The following ATG14 variants were observed in gnomAD, a reference collection of about 807,000 sequenced individuals.
ATG14 encodes autophagy related 14, also known as beclin 1-associated autophagy-related key regulator.
ATG14 carries 35 observed loss-of-function variants against 60.4 expected under a neutral mutation model. The ratio of observed to expected loss-of-function variants is 0.58; its 90% CI spans 0.44 to 0.77. The LOEUF is 0.77. Ranked by LOEUF, ATG14 falls within the 30% of genes least tolerant of loss-of-function variation. The pLI is 0.00. For synonymous variants in ATG14, 234 were observed against 228.8 expected, an observed-to-expected ratio of 1.02 and a Z score of -0.21; for missense variants, 647 against 626.3, an observed-to-expected ratio of 1.03 and a Z score of -0.35.
At chr14:55,401,899 T>C (rs1258407144) in intron 1 of ATG14, among the ~76,000 whole-genome samples, 1 of 152,206 alleles carries the variant, frequency 6.6e-6, no homozygotes, top group African/African-American at 2.4e-5. Context: ...GAAAATTCTA[T>C]GTAACTGCAC....
rs772445715 is a variant in ATG14 at position 55,411,747 on chromosome 14, G to A, written c.76C>T (p.Leu26=). 19 of 1,609,586 alleles carry A rather than the reference G, an allele frequency of 1.2e-5. No individual in the cohort carries two copies. The highest frequency in any genetic ancestry group is 1.1e-4 in the South Asian group (10 of 90,414). ...TCCGCATCGTCCACGGAGTCCACCA[G>A]GTCCCGGGCGAGCGGCCGGGGCCCG... The part of the protein sequence containing the change: ...GCGPRPLARD[L]VDSVDDAEGL... Residue 26 remains leucine (L), a synonymous_variant, in exon 1 of 10, where the codon CTG becomes TTG. Transcript: ENST00000247178.
chr14:55,405,995 A>G (rs1165602189), intron 1 of ATG14, among the ~76,000 whole-genome samples: 1 of 152,180 alleles, frequency 6.6e-6, no homozygotes, highest in Non-Finnish European at 1.5e-5. Flanking sequence ...TGAGGATACC[A>G]AAGTTGTAGG....
At chr14:55,382,512 T>C (rs1381559498) in intron 5 of ATG14, among the ~76,000 whole-genome samples, 2 of 152,018 alleles carry the variant, frequency 1.3e-5, no homozygotes, top group African/African-American at 4.8e-5. Flanking sequence ...TTTGTAGAGA[T>C]GGGGTCTCAC....
chr14:55,390,209 T>C (rs1490774947), intron 4 of ATG14, among the ~76,000 whole-genome samples: 6 of 152,046 alleles, frequency 3.9e-5, no homozygotes, highest in Non-Finnish European at 5.9e-5. Context: ...TAGCTGGGAT[T>C]ACAGGTGCCT....
intron 4 of ATG14, among the ~76,000 whole-genome samples, chr14:55,387,124 T>A (rs1885138567): frequency 6.6e-6 from 1 of 152,096 alleles, no homozygotes; most frequent in Non-Finnish European, 1.5e-5. Context: ...CTTCATGCCC[T>A]CTTTCACTTG....
intron 6 of ATG14, 74 bp downstream of exon 6, chr14:55,381,888 T>C (rs1885039437): frequency 7.7e-7 from 1 of 1,299,456 alleles, no homozygotes; most frequent in East Asian, 2.3e-5. Flanking sequence ...ACTTGAAAGC[T>C]CTTCATTTTG....
intron 4 of ATG14, among the ~76,000 whole-genome samples, chr14:55,387,200 C>A (rs1181318762): frequency 1.3e-5 from 2 of 152,154 alleles, no homozygotes; most frequent in African/African-American, 2.4e-5. Flanking sequence ...ACAGAGCAAA[C>A]CCCTCAGCCT....
chr14:55,391,685 G>A (rs1243318852), intron 3 of ATG14, among the ~76,000 whole-genome samples: 2 of 152,072 alleles, frequency 1.3e-5, no homozygotes, highest in Non-Finnish European at 2.9e-5. Flanking sequence ...CATGTCAAAT[G>A]TTTGACATCA....
At chr14:55,373,821 G>T (rs1231087188) in intron 9 of ATG14, among the ~76,000 whole-genome samples, 2 of 144,276 alleles carry the variant, frequency 1.4e-5, no homozygotes, top group African/African-American at 5.1e-5. Flanking sequence ...AAAAAAAAAA[G>T]TTTATCTTTT....
At chr14:55,407,652 G>A (rs1020364967) in intron 1 of ATG14, among the ~76,000 whole-genome samples, 1 of 152,206 alleles carries the variant, frequency 6.6e-6, no homozygotes, top group Non-Finnish European at 1.5e-5. Context: ...CTGGGCTGGT[G>A]ATCTGAAAGA....
intron 1 of ATG14, among the ~76,000 whole-genome samples, chr14:55,399,949 A>G (rs1885371300): frequency 6.6e-6 from 1 of 152,242 alleles, no homozygotes; most frequent in Admixed American, 6.5e-5. Context: ...AAATATACAG[A>G]TGGCAGCAGG....
intron 1 of ATG14, among the ~76,000 whole-genome samples, chr14:55,406,830 T>G (rs1343768561): frequency 6.6e-6 from 1 of 152,212 alleles, no homozygotes; most frequent in African/African-American, 2.4e-5. Context: ...ACCCTAAAAT[T>G]TCTTTTTTAT....
At chr14:55,393,245 C>T (rs895104393) in intron 3 of ATG14, among the ~76,000 whole-genome samples, 19 of 151,830 alleles carry the variant, frequency 1.3e-4, no homozygotes, top group Non-Finnish European at 2.5e-4. Context: ...CTTAGCCGGG[C>T]GTGGTGGTGG....
At position 55,369,496 on chromosome 14, in the gene ATG14, C is replaced by T; in HGVS notation, c.*123G>A. On this transcript the variant is annotated 3_prime_UTR_variant, in exon 10 of 10. Coordinates refer to ENST00000247178, the MANE Select transcript of ATG14 (RefSeq NM_014924.5). ...TGTCTCCCTGCTTAAAAAGACAAAA[C>T]AAAACAACACTTTAACCTCTTTGTT... 9.8e-7 allele frequency: 1 copy of T among 1,025,590 alleles called. No individual in the cohort carries two copies. The highest frequency in any genetic ancestry group is 1.3e-6 in the Non-Finnish European group (1 of 741,024). The allele number at this position is 1,025,590 out of a possible 1,614,324, so 63.5% of individuals were successfully genotyped here.
At chr14:55,411,178 T>C (rs568271511) in intron 1 of ATG14, among the ~76,000 whole-genome samples, 7 of 152,374 alleles carry the variant, frequency 4.6e-5, no homozygotes, top group African/African-American at 1.4e-4. Flanking sequence ...CTAAAGCAGT[T>C]ATTTGATTCT....
At chr14:55,381,030 C>T (rs1418103344) in intron 6 of ATG14, among the ~76,000 whole-genome samples, 8 of 151,934 alleles carry the variant, frequency 5.3e-5, no homozygotes, top group African/African-American at 1.9e-4. Flanking sequence ...CCAGAGAGGG[C>T]TCTCCTGACA....
intron 1 of ATG14, among the ~76,000 whole-genome samples, chr14:55,408,498 G>C (rs554527191): frequency 6.6e-6 from 1 of 151,930 alleles, no homozygotes; most frequent in African/African-American, 2.4e-5. Flanking sequence ...GCAGCCAGGC[G>C]TGGTGGCTCA....
intron 6 of ATG14, among the ~76,000 whole-genome samples, 188 bp from the exon 7 acceptor site, chr14:55,380,878 T>A (rs868857027): frequency 0.016 from 2,303 of 140,404 alleles, 19 homozygotes; most frequent in African/African-American, 0.038. Flanking sequence ...TATATATATT[T>A]TTTTTTTTTT....
At chr14:55,381,922 C>T in intron 6 of ATG14, 40 bp downstream of exon 6, 1 of 1,544,712 alleles carries the variant, frequency 6.5e-7, no homozygotes. Flanking sequence ...ACCTATAACT[C>T]TCTCTATATA....
Sources: allele counts gnomAD v4.1 joint callset (sites outside exome capture counted in the v4.1 genomes callset), GRCh38; gene constraint gnomAD v4.1.1; transcripts MANE v1.5; gene names NCBI Gene and HGNC (gene_info 2026-07-23, HGNC 2026-07-21).